The following ZNF804B variants were observed in gnomAD, a reference collection of about 807,000 sequenced individuals.
ZNF804B encodes zinc finger protein 804B, also known as zinc finger 804B.
A neutral mutation model predicts 101.4 loss-of-function variants in ZNF804B; 80 were observed. That is an observed-to-expected ratio of 0.79 (90% CI 0.66 to 0.95). ZNF804B has a LOEUF of 0.95. Ranked by LOEUF, ZNF804B falls within the 40% of genes least tolerant of loss-of-function variation. The probability of loss-of-function intolerance (pLI) is 0.00; values close to 1 mark genes in which losing one functional copy is unlikely to be tolerated. For missense variants in ZNF804B, 1,673 were observed against 1,561.9 expected (o/e 1.07, Z -1.20); for synonymous variants, 622 against 558.8 (o/e 1.11, Z -1.59).
intron 2 of ZNF804B, among the ~76,000 whole-genome samples, chr7:89,285,189 A>C (rs1376511956): frequency 6.6e-6 from 1 of 151,890 alleles, no homozygotes; most frequent in African/African-American, 2.4e-5. Flanking sequence ...ACTGTACTCA[A>C]GCTTGGGCAA....
chr7:89,067,348 T>C (rs1789469568), intron 1 of ZNF804B, among the ~76,000 whole-genome samples: 1 of 152,144 alleles, frequency 6.6e-6, no homozygotes, highest in Admixed American at 6.5e-5. Context: ...CTTGATTGAG[T>C]TAGGCCCATC....
chr7:88,908,580 A>C (rs533681493), intron 1 of ZNF804B, among the ~76,000 whole-genome samples: 98 of 151,902 alleles, frequency 6.5e-4, no homozygotes, highest in African/African-American at 2.3e-3. Flanking sequence ...ACTTGAGAGA[A>C]TCTTCCCAGT....
chr7:88,866,074 A>T lies in ZNF804B; in HGVS notation c.108+105990A>T, dbSNP rs530434909. 1.3e-3 allele frequency among the ~76,000 whole-genome samples: 191 copies of T among 152,334 alleles called. 1 individual carries two copies. Among genetic ancestry groups the T allele is most frequent in the Admixed American group, 0.011 (166 of 15,304 alleles). The stretch of plus-strand genomic sequence containing the variant: ...AGTAGTAAATACATGTTAGCTAAGC[A>T]AAACTATACTAGTTAAGACTAATAG... On this transcript the variant is annotated intron_variant, in intron 1 of 3. Coordinates refer to ENST00000333190, the MANE Select transcript of ZNF804B (RefSeq NM_181646.5).
At chr7:88,854,410 T>TCTTTCTTTCTTTCTTTCTTC (rs1562812538) in intron 1 of ZNF804B, among the ~76,000 whole-genome samples, 6 of 132,718 alleles carry the variant, frequency 4.5e-5, no homozygotes, top group Admixed American at 1.5e-4. Flanking sequence ...TTTCTTTCTT[T>TCTTTCTTTCTTTCTTTCTTC]CTTCCTTTCT....
chr7:89,289,087 CAAATT>C (rs1403442586), intron 2 of ZNF804B, among the ~76,000 whole-genome samples: 1 of 151,732 alleles, frequency 6.6e-6, no homozygotes, highest in Admixed American at 6.6e-5. Context: ...AAACAAGACA[CAAATT>C]AAAAGAAAAT....
At chr7:89,239,960 T>C (rs1194379627) in intron 2 of ZNF804B, among the ~76,000 whole-genome samples, 1 of 151,880 alleles carries the variant, frequency 6.6e-6, no homozygotes, top group Non-Finnish European at 1.5e-5. Context: ...TCTTATGTCA[T>C]TAATGGTATC....
chr7:89,132,161 C>T (rs987887140), intron 1 of ZNF804B, among the ~76,000 whole-genome samples: 5 of 75,700 alleles, frequency 6.6e-5, no homozygotes, highest in African/African-American at 9.0e-5. Flanking sequence ...TGAGAACACA[C>T]GCACACATAC....
intron 1 of ZNF804B, among the ~76,000 whole-genome samples, chr7:88,879,194 C>T (rs564938860): frequency 1.3e-5 from 2 of 152,168 alleles, no homozygotes; most frequent in South Asian, 2.1e-4. Context: ...GAGGAGACCT[C>T]GTTTGAGCAA....
At position 88,900,575 on chromosome 7, in the gene ZNF804B, C is replaced by A. The variant is rs1466409218; in HGVS notation, c.108+140491C>A. ...GGTCAAGCATCTAGTATGTGTCAGGCACTGTGATCAATATTGGGGAAAAGA... is the reference window on the plus strand; with the variant it reads ...GGTCAAGCATCTAGTATGTGTCAGGAACTGTGATCAATATTGGGGAAAAGA... On this transcript the variant is annotated intron_variant, in intron 1 of 3. Coordinates refer to ENST00000333190, the MANE Select transcript of ZNF804B (RefSeq NM_181646.5). 3.5e-5 allele frequency among the ~76,000 whole-genome samples: 5 copies of A among 143,860 alleles called. No homozygotes were observed. In the Admixed American group the frequency reaches 3.6e-4, roughly 10 times the overall value. 94.4% of individuals were successfully genotyped at this position (143,860 alleles called of 152,430 possible).
At chr7:89,089,224 C>T (rs1789848855) in intron 1 of ZNF804B, among the ~76,000 whole-genome samples, 1 of 151,832 alleles carries the variant, frequency 6.6e-6, no homozygotes, top group African/African-American at 2.4e-5. Flanking sequence ...CAGCTCATTG[C>T]TAATTCTTGA....
At chr7:89,091,641 T>C (rs554612227) in intron 1 of ZNF804B, among the ~76,000 whole-genome samples, 1 of 152,156 alleles carries the variant, frequency 6.6e-6, no homozygotes, top group African/African-American at 2.4e-5. Context: ...AGACAATACA[T>C]CCCACAAAGA....
In ZNF804B at chr7:88,859,656, G is replaced by T. The variant is rs1791619678; in HGVS notation, c.108+99572G>T. Among the ~76,000 whole-genome samples, 3 of 151,868 alleles carry T rather than the reference G, an allele frequency of 2.0e-5. No individual in the cohort carries two copies. In the South Asian group the frequency reaches 6.3e-4, roughly 32 times the overall value. On this transcript the variant is annotated intron_variant, in intron 1 of 3. Transcript: ENST00000333190. The stretch of plus-strand genomic sequence containing the variant: ...AATAAGATAATTTATAAATAATCAG[G>T]CCCATTAGGACAGAAATGCTTTCCA...
In ZNF804B at chr7:89,336,565, G is replaced by C; in HGVS notation, c.3583G>C (p.Val1195Leu). 6.2e-7 allele frequency: 1 copy of C among 1,613,974 alleles called. No individual in the cohort carries two copies. Among genetic ancestry groups the C allele is most frequent in the Non-Finnish European group, 8.5e-7 (1 of 1,179,968 alleles). The change falls in exon 4 of 4, where the codon GTA (valine) becomes CTA (leucine). Residue 1195 changes from valine (V) to leucine (L), a missense_variant. Transcript: ENST00000333190. The stretch of plus-strand genomic sequence containing the variant: ...TACTGCCTTCTCTCCGGCCTCAACC[G>C]TACAGACAGTTCCAGTTCACCAGCA... ...GPTAFSPASTVQTVPVHQHTS... is the reference protein window; with the variant it reads ...GPTAFSPASTLQTVPVHQHTS...
In ZNF804B at chr7:88,800,692, T is replaced by TTGTGTGTG. The variant is rs6150209; in HGVS notation, c.108+40643_108+40650dup. On this transcript the variant is annotated intron_variant, in intron 1 of 3. Transcript: ENST00000333190. ...CTGGGAATTAAAAAATAGATATGAT[T>TTGTGTGTG]TGTGTGTGTGTGTGTGTGTGTGTGT... Among the ~76,000 whole-genome samples, 1,327 of 146,684 alleles carry TTGTGTGTG rather than the reference T, an allele frequency of 9.0e-3. 9 individuals are homozygous for TTGTGTGTG. Among genetic ancestry groups the TTGTGTGTG allele is most frequent in the East Asian group, 0.017 (84 of 4,972 alleles).
intron 2 of ZNF804B, among the ~76,000 whole-genome samples, chr7:89,289,541 C>T (rs1790255266): frequency 6.6e-6 from 1 of 152,102 alleles, no homozygotes; most frequent in South Asian, 2.1e-4. Context: ...AATCTGTGTA[C>T]TTGAGAGAGG....
chr7:89,246,585 G>A (rs1215061313), intron 2 of ZNF804B, among the ~76,000 whole-genome samples: 1 of 151,794 alleles, frequency 6.6e-6, no homozygotes, highest in Non-Finnish European at 1.5e-5. Context: ...TATACCCAGT[G>A]AGATCTCCAG....
chr7:89,050,989 T>TG (rs1319029410), intron 1 of ZNF804B, among the ~76,000 whole-genome samples: 1 of 151,948 alleles, frequency 6.6e-6, no homozygotes, highest in East Asian at 1.9e-4. Context: ...GTTTCTTTTT[T>TG]TTAACATAAA....
intron 1 of ZNF804B, among the ~76,000 whole-genome samples, chr7:88,807,247 A>T (rs1276016758): frequency 6.6e-6 from 1 of 152,174 alleles, no homozygotes; most frequent in Non-Finnish European, 1.5e-5. Context: ...GTTAGTTTTA[A>T]TTGGCATAAT....
intron 2 of ZNF804B, among the ~76,000 whole-genome samples, chr7:89,227,181 C>G (rs925100687): frequency 1.3e-5 from 2 of 152,190 alleles, no homozygotes; most frequent in Admixed American, 1.3e-4. Flanking sequence ...GGCTTCCTAA[C>G]AAAGGATACA....
Sources: gnomAD v4.1 joint callset for allele counts (sites outside exome capture counted in the v4.1 genomes callset) on GRCh38, gnomAD v4.1.1 for gene constraint, MANE v1.5 for transcripts, NCBI Gene and HGNC (gene_info 2026-07-23, HGNC 2026-07-21) for gene names.